LGALS9C: variants seen among roughly 807,000 people sequenced by gnomAD.
LGALS9C encodes galectin 9C.
LGALS9C carries 7 observed loss-of-function variants against 41.3 expected under a neutral mutation model. That is an observed-to-expected ratio of 0.17 (90% confidence interval 0.10 to 0.32). The LOEUF (loss-of-function observed/expected upper bound fraction) is 0.32. Among genes scored for constraint, LGALS9C ranks in the 10% least tolerant of loss-of-function variants. The pLI is 1.00. For synonymous variants in LGALS9C, 44 were observed against 171.0 expected (o/e 0.26, Z 5.80); for missense variants, 102 against 455.2 (o/e 0.22, Z 7.06).
At chr17:18,477,240 G>T (rs1463797265) in intron 1 of LGALS9C, among the ~76,000 whole-genome samples, 1 of 128,816 alleles carries the variant, frequency 7.8e-6, no homozygotes, top group African/African-American at 2.5e-5. Context: ...CGGCATGGTA[G>T]TTAAGGGTGC....
At chr17:18,477,332 G>A (rs1989244100) in intron 1 of LGALS9C, among the ~76,000 whole-genome samples, 1 of 121,284 alleles carries the variant, frequency 8.2e-6, no homozygotes, top group Admixed American at 8.1e-5. Flanking sequence ...CTGTGAAGTG[G>A]GAATAATACT....
Position 18,477,049 on chromosome 17 carries a change from ACAGCTGT to A in LGALS9C, c.39+157_39+163del, listed in dbSNP as rs1305559548. ...AAATGTCAGTGGGGGTCGTCCTGGCACAGCTGTGCCATGCTGAGCTCACTCATGCCTG... is the reference window on the plus strand; with the variant it reads ...AAATGTCAGTGGGGGTCGTCCTGGCAGCCATGCTGAGCTCACTCATGCCTG... On this transcript the variant is annotated intron_variant, in intron 1 of 10. Transcript: ENST00000328114. Among the ~76,000 whole-genome samples the A allele has an allele frequency of 2.2e-5, 3 of 134,926 alleles. No homozygotes were observed. In the East Asian group the frequency reaches 5.8e-4, roughly 26 times the overall value. 88.5% of individuals were successfully genotyped at this position (134,926 alleles called of 152,430 possible).
In LGALS9C at chr17:18,487,618, C is replaced by A. The variant is rs1385517830; in HGVS notation, c.334-29C>A. Reference sequence around the variant, plus strand: ...GTCCCCATCCCGGCCTGGGGCACCTCCCCCGAAATACGTGCTCTCCTCTGG... The same window carrying A: ...GTCCCCATCCCGGCCTGGGGCACCTACCCCGAAATACGTGCTCTCCTCTGG... On this transcript the variant is annotated intron_variant, in intron 3 of 10. Coordinates refer to ENST00000328114, the MANE Select transcript of LGALS9C (RefSeq NM_001040078.3). 4 of 1,393,908 alleles carry A rather than the reference C, an allele frequency of 2.9e-6. No individual in the cohort carries two copies. In the African/African-American group the frequency reaches 4.5e-5, roughly 16 times the overall value. 86.3% of individuals were successfully genotyped at this position (1,393,908 alleles called of 1,614,324 possible). A position where few individuals can be genotyped will look rare whatever the true frequency, so the allele number is the denominator to read the frequency against.
rs769712854 is a variant in LGALS9C, at chr17:18,487,762, G to A, written c.444+5G>A. The A allele has an allele frequency of 2.5e-6, 4 of 1,573,984 alleles. No homozygotes were observed. The South Asian group carries it at 4.5e-5, about 18-fold the overall frequency. ...CTGTCCTACATCAGCTTCCAGGTCA[G>A]ACTGTCCACCTGGCACCGGTCCCAG... On this transcript the variant is annotated splice_donor_5th_base_variant and intron_variant, in intron 4 of 10. Coordinates refer to ENST00000328114, the MANE Select transcript of LGALS9C (RefSeq NM_001040078.3).
chr17:18,493,260 C>T (rs1272034630), intron 10 of LGALS9C, among the ~76,000 whole-genome samples: 46 of 120,666 alleles, frequency 3.8e-4, no homozygotes, highest in Admixed American at 8.0e-4. Context: ...AGGGTCCTTC[C>T]TCCAGAGAGT....
intron 1 of LGALS9C, among the ~76,000 whole-genome samples, chr17:18,478,071 G>A (rs1372656059): frequency 7.9e-6 from 1 of 126,864 alleles, no homozygotes; most frequent in African/African-American, 2.6e-5. Context: ...CCTCCTGGCT[G>A]TCACCAATGA....
chr17:18,487,610 G>A (rs1989639370), intron 3 of LGALS9C, 37 bp from the exon 4 acceptor site: 2 of 1,356,728 alleles, frequency 1.5e-6, no homozygotes, highest in Non-Finnish European at 1.0e-6. Context: ...TCCCGGCCTG[G>A]GGCACCTCCC....
At chr17:18,493,179 G>A (rs1331280494) in intron 10 of LGALS9C, among the ~76,000 whole-genome samples, 18 of 121,524 alleles carry the variant, frequency 1.5e-4, no homozygotes, top group African/African-American at 4.7e-4. Context: ...CTCATTCAAC[G>A]ATTTCACTGT....
intron 1 of LGALS9C, among the ~76,000 whole-genome samples, chr17:18,482,507 CAAAAAAA>C (rs1166687895): frequency 3.2e-5 from 3 of 95,218 alleles, no homozygotes; most frequent in South Asian, 3.4e-4. Flanking sequence ...GAAAGTTTTA[CAAAAAAA>C]AAAAAAAAAA....
chr17:18,486,981 T>C (rs1989611037), intron 3 of LGALS9C: 1 of 144,564 alleles, frequency 6.9e-6, no homozygotes, highest in African/African-American at 2.6e-5. Context: ...GTGGCACACA[T>C]TTACCTAGTT....
Position 18,477,046 on chromosome 17 carries a change from GGC to G in LGALS9C, c.39+154_39+155del, listed in dbSNP as rs1294541389. Among the ~76,000 whole-genome samples, 3 of 134,876 alleles carry G rather than the reference GGC, an allele frequency of 2.2e-5. No homozygotes were observed. The East Asian group carries it at 5.8e-4, about 26-fold the overall frequency. 88.5% of individuals were successfully genotyped at this position (134,876 alleles called of 152,430 possible). The stretch of plus-strand genomic sequence containing the variant: ...CAGAAATGTCAGTGGGGGTCGTCCT[GGC>G]ACAGCTGTGCCATGCTGAGCTCACT... On this transcript the variant is annotated intron_variant, in intron 1 of 10. Transcript: ENST00000328114.
In LGALS9C at chr17:18,487,647, G is replaced by C; in HGVS notation, c.334G>C (p.Val112Leu). The change falls in exon 4 of 11, where the codon GTG (valine) becomes CTG (leucine). Residue 112 changes from valine to leucine, a missense_variant and splice_region_variant. Physicochemically the swap from Val to Leu is conservative, Grantham distance 32. Coordinates refer to ENST00000328114, the MANE Select transcript of LGALS9C (RefSeq NM_001040078.3). The stretch of plus-strand genomic sequence containing the variant: ...CGAAATACGTGCTCTCCTCTGGCAG[G>C]TGATGGTGAACGGGAGCCTCTTCGT... ...CFLVQSSDFK[V>L]MVNGSLFVQY... is the part of the protein sequence containing the mutation. The C allele has an allele frequency of 6.8e-7, 1 of 1,476,530 alleles. No homozygotes were observed. Among genetic ancestry groups the C allele is most frequent in the Non-Finnish European group, 9.3e-7 (1 of 1,080,608 alleles). The allele number at this position is 1,476,530 out of a possible 1,614,324, so 91.5% of individuals were successfully genotyped here. A position where few individuals can be genotyped will look rare whatever the true frequency, so the allele number is the denominator to read the frequency against.
rs551463145 is a variant in LGALS9C at position 18,478,254 on chromosome 17, G to A, written c.39+1361G>A. Among the ~76,000 whole-genome samples, 60 of 128,970 alleles carry A rather than the reference G, an allele frequency of 4.7e-4. 3 individuals are homozygous for A. Among genetic ancestry groups the A allele is most frequent in the African/African-American group, 1.5e-3 (60 of 39,762 alleles). The allele number at this position is 128,970 out of a possible 152,430, so 84.6% of individuals were successfully genotyped here. A position where few individuals can be genotyped will look rare whatever the true frequency, so the allele number is the denominator to read the frequency against. ...GAGGGGATCCCAGAGCTTCTTCCAG[G>A]TTCTGACATATTATTATTCTGGTAA... is the stretch of plus-strand genomic sequence containing the variant. On this transcript the variant is annotated intron_variant, in intron 1 of 10. Transcript: ENST00000328114.
intron 5 of LGALS9C, 109 bp from the exon 6 acceptor site, chr17:18,490,621 TGTC>T (rs1269666854): frequency 8.1e-6 from 4 of 496,192 alleles, no homozygotes; most frequent in Non-Finnish European, 1.5e-5. Flanking sequence ...GAGGTGGGTG[TGTC>T]TGGGGAGGCA....
rs1989803559 is a variant in LGALS9C at position 18,491,398 on chromosome 17, C to T, written c.627+75C>T. 6 of 1,338,940 alleles carry T rather than the reference C, an allele frequency of 4.5e-6. No individual in the cohort carries two copies. In the East Asian group the frequency reaches 1.4e-4, roughly 31 times the overall value. 82.9% of individuals were successfully genotyped at this position (1,338,940 alleles called of 1,614,324 possible). On this transcript the variant is annotated intron_variant, in intron 7 of 10. Transcript: ENST00000328114. ...CCCAAGAACTAAACTCCCTAGAGCC[C>T]TAGAGTTGGGAAGAAAGCGGTTTAG...
chr17:18,491,181 T>G, intron 6 of LGALS9C, 92 bp from the exon 7 acceptor site: 1 of 1,183,656 alleles, frequency 8.4e-7, no homozygotes, highest in African/African-American at 1.7e-5. Flanking sequence ...GTTATGCCCC[T>G]GGAGGGTGCC....
chr17:18,478,386 G>A (rs1242041216), intron 1 of LGALS9C, among the ~76,000 whole-genome samples: 1 of 120,468 alleles, frequency 8.3e-6, no homozygotes, highest in Non-Finnish European at 2.0e-5. Context: ...CAAGAAAGAC[G>A]ATCAGTGCAG....
At position 18,487,864 on chromosome 17, in the gene LGALS9C, A is replaced by G; in HGVS notation, c.444+107A>G. The G allele has an allele frequency of 2.1e-6, 3 of 1,454,128 alleles. No homozygotes were observed. The Admixed American group carries it at 6.2e-5, about 30-fold the overall frequency. 90.1% of individuals were successfully genotyped at this position (1,454,128 alleles called of 1,614,324 possible). ...CCCAAGCCAATCTCCTACCCAGGTC[A>G]CTCTGGGGACAACCTCTGCTTCCCT... On this transcript the variant is annotated intron_variant, in intron 4 of 10. Coordinates refer to ENST00000328114, the MANE Select transcript of LGALS9C (RefSeq NM_001040078.3).
chr17:18,492,288 T>C, intron 8 of LGALS9C, 169 bp from the exon 9 acceptor site: 2 of 862,982 alleles, frequency 2.3e-6, no homozygotes, highest in South Asian at 1.8e-5. Context: ...GCCCATTAAT[T>C]TGAGGAGCAC....
Sources: allele counts gnomAD v4.1 joint callset (sites outside exome capture counted in the v4.1 genomes callset), GRCh38; gene constraint gnomAD v4.1.1; transcripts MANE v1.5; gene names NCBI Gene and HGNC (gene_info 2026-07-23, HGNC 2026-07-21).